WASF3: variants seen among roughly 807,000 people sequenced by gnomAD.
WASF3 encodes the protein actin-binding protein WASF3.
In WASF3, 11 loss-of-function variants were observed where a neutral mutation model predicts 46.6. That is an observed-to-expected ratio of 0.24 (90% CI 0.15 to 0.39). The LOEUF (loss-of-function observed/expected upper bound fraction) is 0.39, where lower values mean the gene tolerates loss of function less well. WASF3 is among the 10% of genes least tolerant of loss of function. WASF3 has a pLI of 1.00. For missense variants in WASF3, 576 were observed against 669.8 expected (o/e 0.86, Z 1.55); for synonymous variants, 242 against 259.7 (o/e 0.93, Z 0.65).
upstream of WASF3, among the ~76,000 whole-genome samples, chr13:26,556,715 G>A (rs1654307956): frequency 6.6e-6 from 1 of 152,136 alleles, no homozygotes; most frequent in Admixed American, 6.5e-5. Flanking sequence ...GTTGTCTCTA[G>A]CTAGATGTTG....
intron 1 of WASF3, among the ~76,000 whole-genome samples, chr13:26,598,227 C>T (rs1025716041): frequency 5.3e-5 from 8 of 152,248 alleles, no homozygotes; most frequent in East Asian, 1.9e-4. Context: ...TGATGATGAG[C>T]GTTTTTTCAT....
chr13:26,591,568 G>A (rs765115628), intron 1 of WASF3, among the ~76,000 whole-genome samples: 8 of 152,016 alleles, frequency 5.3e-5, no homozygotes, highest in Non-Finnish European at 1.2e-4. Flanking sequence ...GAGAGGGGGA[G>A]ACTACGAGCT....
At chr13:26,677,237 A>C (rs1439872063) in intron 7 of WASF3, among the ~76,000 whole-genome samples, 1 of 152,248 alleles carries the variant, frequency 6.6e-6, no homozygotes, top group East Asian at 1.9e-4. Flanking sequence ...CAGGAGAAGA[A>C]TTCTATTGGC....
chr13:26,546,413 A>G, the WASF3 span, among the ~76,000 whole-genome samples: 1 of 152,380 alleles, frequency 6.6e-6, no homozygotes, highest in South Asian at 2.1e-4. Context: ...AAATAAAAGT[A>G]AAAACAGACT....
At chr13:26,642,532 C>A in intron 3 of WASF3, 129 bp downstream of exon 3, 1 of 1,190,788 alleles carries the variant, frequency 8.4e-7, no homozygotes, top group Non-Finnish European at 1.1e-6. Context: ...TTCTGTATTT[C>A]CCAGTATGAA....
At chr13:26,673,608 T>G (rs1047153833) in intron 6 of WASF3, among the ~76,000 whole-genome samples, 2 of 152,166 alleles carry the variant, frequency 1.3e-5, no homozygotes, top group Non-Finnish European at 2.9e-5. Flanking sequence ...TCCCAGGATT[T>G]CAGAAACCCA....
intron 9 of WASF3, among the ~76,000 whole-genome samples, chr13:26,683,244 G>C (rs1340847042): frequency 1.3e-5 from 2 of 152,188 alleles, no homozygotes; most frequent in Non-Finnish European, 2.9e-5. Context: ...GGCCAAGGCA[G>C]TTGGATTGCT....
intron 3 of WASF3, among the ~76,000 whole-genome samples, chr13:26,644,594 T>C (rs187510457): frequency 1.2e-4 from 18 of 152,232 alleles, no homozygotes; most frequent in Admixed American, 1.2e-3. Context: ...ACCCACAAAA[T>C]TAGACACCCA....
chr13:26,602,780 TG>T (rs1880679435), intron 1 of WASF3, among the ~76,000 whole-genome samples: 1 of 152,240 alleles, frequency 6.6e-6, no homozygotes, highest in African/African-American at 2.4e-5. Flanking sequence ...ATGGTAATAA[TG>T]AAAAAAATAC....
the WASF3 span, among the ~76,000 whole-genome samples, chr13:26,542,497 G>A: frequency 6.6e-6 from 1 of 152,172 alleles, no homozygotes; most frequent in East Asian, 1.9e-4. Flanking sequence ...CCTCCTACAT[G>A]TCTTGGCAAA....
In WASF3 at chr13:26,576,517, T is replaced by C. The variant is rs148581477; in HGVS notation, c.-109+18698T>C. Reference sequence around the variant, plus strand: ...GAAGTGGTACGTGGGCTTTGAATATTTTAAATGATAGCCAGGAGATTGTAA... The same window carrying C: ...GAAGTGGTACGTGGGCTTTGAATATCTTAAATGATAGCCAGGAGATTGTAA... On this transcript the variant is annotated intron_variant, in intron 1 of 9. Transcript: ENST00000335327. Among the ~76,000 whole-genome samples the C allele has an allele frequency of 1.3e-3, 196 of 152,284 alleles. 2 individuals carry two copies. Among genetic ancestry groups the C allele is most frequent in the African/African-American group, 4.5e-3 (186 of 41,558 alleles).
chr13:26,651,330 A>C (rs1241398185), intron 3 of WASF3, among the ~76,000 whole-genome samples: 1 of 152,138 alleles, frequency 6.6e-6, no homozygotes. Flanking sequence ...AAACACAAAA[A>C]ACAAAAACCA....
intron 1 of WASF3, among the ~76,000 whole-genome samples, chr13:26,560,698 C>T (rs1228882984): frequency 6.6e-6 from 1 of 152,162 alleles, no homozygotes; most frequent in Non-Finnish European, 1.5e-5. Context: ...ATGACCTAAT[C>T]CATTCATTCA....
Position 26,682,730 on chromosome 13 carries a change from C to T in WASF3, c.1107C>T (p.Pro369=). The part of the protein sequence containing the change: ...FVSPLQMPMQ[P]PFPASASSTH... ...GCCCTCTCCAGATGCCCATGCAGCCCCCGTTCCCTGCATCAGCCAGCTCCA... is the reference window on the plus strand; with the variant it reads ...GCCCTCTCCAGATGCCCATGCAGCCTCCGTTCCCTGCATCAGCCAGCTCCA... The change falls in exon 9 of 10, where the codon CCC becomes CCT. Residue 369 remains proline, a synonymous_variant. Transcript: ENST00000335327. The surrounding 1 kb of genome is among the most constrained non-coding windows in gnomAD (Gnocchi z 4.4). The T allele has an allele frequency of 2.5e-6, 4 of 1,613,986 alleles. No individual in the cohort carries two copies. The highest frequency in any genetic ancestry group is 3.4e-6 in the Non-Finnish European group (4 of 1,180,040).
At position 26,633,200 on chromosome 13, in the gene WASF3, C is replaced by CTTTTT. The variant is rs58237286; in HGVS notation, c.-10-9049_-10-9045dup. Among the ~76,000 whole-genome samples, 13 of 90,428 alleles carry CTTTTT rather than the reference C, an allele frequency of 1.4e-4. 1 individual carries two copies. The highest frequency in any genetic ancestry group is 7.6e-3 in the Middle Eastern group (1 of 132). The allele number at this position is 90,428 out of a possible 152,430, so 59.3% of individuals were successfully genotyped here. On this transcript the variant is annotated intron_variant, in intron 2 of 9. Coordinates refer to ENST00000335327, the MANE Select transcript of WASF3 (RefSeq NM_006646.6). ...AGTTCTGTTTTGATCTTAGTTATTT[C>CTTTTT]TTTTTTTTTTTTTTTTCTTGAGGCA...
At chr13:26,603,191 G>A (rs1880693308) in intron 1 of WASF3, among the ~76,000 whole-genome samples, 1 of 152,182 alleles carries the variant, frequency 6.6e-6, no homozygotes, top group African/African-American at 2.4e-5. Flanking sequence ...CTTCTGGCCA[G>A]TTGTAGAAAG....
chr13:26,621,599 C>T (rs1158051755), intron 2 of WASF3, among the ~76,000 whole-genome samples: 1 of 152,162 alleles, frequency 6.6e-6, no homozygotes, highest in Admixed American at 6.5e-5. Flanking sequence ...TCTCTGTCTC[C>T]CATCCTGTGG....
At chr13:26,658,720 A>G (rs889953185) in intron 3 of WASF3, among the ~76,000 whole-genome samples, 1 of 152,214 alleles carries the variant, frequency 6.6e-6, no homozygotes, top group African/African-American at 2.4e-5. Context: ...GGTGAAAGGC[A>G]GAACTCCAAC....
chr13:26,684,679 G>A (rs1437785774), intron 9 of WASF3, among the ~76,000 whole-genome samples: 1 of 152,150 alleles, frequency 6.6e-6, no homozygotes, highest in Non-Finnish European at 1.5e-5. Context: ...GGGGTAAAGG[G>A]ACATTATATG....
Sources: allele counts gnomAD v4.1 joint callset (sites outside exome capture counted in the v4.1 genomes callset), GRCh38; gene constraint gnomAD v4.1.1; non-coding constraint Gnocchi (gnomAD v3.1); transcripts MANE v1.5; gene names NCBI Gene and HGNC (gene_info 2026-07-23, HGNC 2026-07-21).